Variants in NAALADL2 observed in about 807,000 individuals in gnomAD.
NAALADL2 encodes the protein inactive N-acetylated-alpha-linked acidic dipeptidase-like protein 2.
NAALADL2 carries 76 observed loss-of-function variants against 87.2 expected under a neutral mutation model. The observed-to-expected ratio is 0.87, with a 90% confidence interval of 0.72 to 1.05. The LOEUF (loss-of-function observed/expected upper bound fraction) is 1.05, where lower values mean the gene tolerates loss of function less well. Ranked by LOEUF, NAALADL2 falls within the 50% of genes least tolerant of loss-of-function variation. The pLI is 0.00. For synonymous variants in NAALADL2, 354 were observed against 331.0 expected (o/e 1.07, Z -0.75); for missense variants, 1,089 against 945.8 (o/e 1.15, Z -1.99).
In NAALADL2 at chr3:174,859,381, T is replaced by C. The variant is rs1579237012; in HGVS notation, c.-27T>C. ...GTAAGTGACACAACTTGAAACTGCT[T>C]GGCCCTCTTTAAAAAGAAATAATAA... On this transcript the variant is annotated 5_prime_UTR_variant, in exon 1 of 14. Transcript: ENST00000454872. 6.3e-7 allele frequency: 1 copy of C among 1,589,920 alleles called. No homozygotes were observed. The highest frequency in any genetic ancestry group is 2.3e-5 in the East Asian group (1 of 44,312).
intron 1 of NAALADL2, among the ~76,000 whole-genome samples, chr3:174,995,619 C>CG (rs1164533839): frequency 2.0e-5 from 3 of 151,818 alleles, no homozygotes; most frequent in African/African-American, 7.3e-5. Flanking sequence ...TAATGAGTAA[C>CG]GGAATTGTTC....
chr3:175,633,725 T>A (rs1728127344), intron 11 of NAALADL2, among the ~76,000 whole-genome samples: 1 of 151,886 alleles, frequency 6.6e-6, no homozygotes, highest in Non-Finnish European at 1.5e-5. Context: ...TTCATTGCTT[T>A]TCTCATGTTC....
At chr3:175,324,808 G>C (rs377352560) in intron 5 of NAALADL2, among the ~76,000 whole-genome samples, 3 of 152,186 alleles carry the variant, frequency 2.0e-5, no homozygotes, top group East Asian at 1.9e-4. Flanking sequence ...TTTTCTGGCT[G>C]TCTTAAGAGA....
chr3:174,675,716 T>A (rs751098650), intron 2 of NAALADL2, among the ~76,000 whole-genome samples: 2 of 152,152 alleles, frequency 1.3e-5, no homozygotes, highest in Admixed American at 6.6e-5. Flanking sequence ...GAATTCTAAG[T>A]GACTAGATAA....
chr3:175,503,325 AC>A, intron 9 of NAALADL2, among the ~76,000 whole-genome samples: 1 of 152,188 alleles, frequency 6.6e-6, no homozygotes. Context: ...TATCCAGTCT[AC>A]CACCGATGGG....
chr3:175,423,154 G>A (rs1234211161), intron 5 of NAALADL2, among the ~76,000 whole-genome samples: 1 of 74,174 alleles, frequency 1.3e-5, no homozygotes, highest in African/African-American at 5.4e-5. Flanking sequence ...TAAGGTAAAT[G>A]TTCTAAGAAA....
intron 1 of NAALADL2, among the ~76,000 whole-genome samples, chr3:174,977,778 A>G (rs1744558169): frequency 6.6e-6 from 1 of 152,198 alleles, no homozygotes; most frequent in Non-Finnish European, 1.5e-5. Flanking sequence ...GATGACATTT[A>G]AAAATATTGA....
At chr3:175,677,361 A>G (rs1034215571) in intron 11 of NAALADL2, among the ~76,000 whole-genome samples, 2 of 135,768 alleles carry the variant, frequency 1.5e-5, no homozygotes, top group African/African-American at 7.2e-5. Context: ...GACTCTGTCA[A>G]AAAAAAAAAT....
chr3:175,324,248 T>C lies in NAALADL2; in HGVS notation c.1013T>C (p.Val338Ala). The change falls in exon 5 of 14, where the codon GTG (valine) becomes GCG (alanine). Residue 338 changes from valine (V) to alanine (A), a missense_variant. Transcript: ENST00000454872. ...GATCCTTGTGATTTGCCAAAGACTG[T>C]GAATCCTAGCCATGATACCTTCATG... Reference protein sequence around the residue: ...YIDPCDLPKTVNPSHDTFMVS... With the variant: ...YIDPCDLPKTANPSHDTFMVS... 1 of 1,613,726 alleles carries C rather than the reference T, an allele frequency of 6.2e-7. No homozygotes were observed. The highest frequency in any genetic ancestry group is 1.3e-5 in the African/African-American group (1 of 74,998).
intron 2 of NAALADL2, among the ~76,000 whole-genome samples, chr3:175,132,928 C>T (rs369268111): frequency 2.8e-4 from 42 of 150,498 alleles, no homozygotes; most frequent in Non-Finnish European, 5.5e-4. Flanking sequence ...ACTTCTCAGA[C>T]GGGGCGGTTG....
chr3:175,109,680 C>A lies in NAALADL2; in HGVS notation c.545+12389C>A, dbSNP rs1485142240. 4.6e-5 allele frequency among the ~76,000 whole-genome samples: 7 copies of A among 151,822 alleles called. No individual in the cohort carries two copies. The East Asian group carries it at 1.4e-3, about 29-fold the overall frequency. On this transcript the variant is annotated intron_variant, in intron 2 of 13. Coordinates refer to ENST00000454872, the MANE Select transcript of NAALADL2 (RefSeq NM_207015.3). ...ACTGTGCTCTATGAGGGTGGATCAG[C>A]CCCTCTTTGCCTCTTCAGAGATTCT... is the stretch of plus-strand genomic sequence containing the variant.
intron 10 of NAALADL2, among the ~76,000 whole-genome samples, chr3:175,621,821 G>T (rs1050269867): frequency 4.6e-5 from 7 of 151,978 alleles, no homozygotes; most frequent in Non-Finnish European, 7.4e-5. Flanking sequence ...CATCTGTTTT[G>T]GTGCCCACAG....
At chr3:175,367,318 G>A (rs1432678606) in intron 5 of NAALADL2, among the ~76,000 whole-genome samples, 1 of 151,070 alleles carries the variant, frequency 6.6e-6, no homozygotes, top group Non-Finnish European at 1.5e-5. Context: ...TGTTCTTTTG[G>A]CTTAGGATTG....
At chr3:175,026,655 C>A (rs866630086) in intron 1 of NAALADL2, among the ~76,000 whole-genome samples, 21 of 143,308 alleles carry the variant, frequency 1.5e-4, no homozygotes, top group South Asian at 2.2e-4. Context: ...AACTCTGTCT[C>A]AAAAAAAAAA....
intron 11 of NAALADL2, among the ~76,000 whole-genome samples, chr3:175,733,825 G>A (rs1028338899): frequency 4.6e-5 from 7 of 152,086 alleles, no homozygotes; most frequent in Non-Finnish European, 1.0e-4. Context: ...AAAATACAGG[G>A]GCTACAGGCT....
chr3:175,133,119 C>T (rs1421987592), intron 2 of NAALADL2, among the ~76,000 whole-genome samples: 10 of 142,514 alleles, frequency 7.0e-5, no homozygotes, highest in South Asian at 6.9e-4. Context: ...ACATCTCAGA[C>T]GATGGGCGGC....
intron 1 of NAALADL2, among the ~76,000 whole-genome samples, chr3:174,471,096 C>T (rs762112958): frequency 1.3e-5 from 2 of 151,986 alleles, no homozygotes; most frequent in Non-Finnish European, 1.5e-5. Flanking sequence ...CAGCAGTGCT[C>T]CTATCTGCAG....
chr3:175,338,938 C>A (rs1762308504), intron 5 of NAALADL2, among the ~76,000 whole-genome samples: 1 of 151,618 alleles, frequency 6.6e-6, no homozygotes, highest in African/African-American at 2.4e-5. Flanking sequence ...GGGAAGGCAG[C>A]AAAGTAACAG....
intron 5 of NAALADL2, among the ~76,000 whole-genome samples, chr3:175,436,300 G>T (rs879520780): frequency 2.0e-4 from 29 of 148,338 alleles, no homozygotes; most frequent in Admixed American, 1.2e-3. Context: ...GAATAATGCC[G>T]CAATAAACAT....
Sources: gnomAD v4.1 joint callset for allele counts (sites outside exome capture counted in the v4.1 genomes callset) on GRCh38, gnomAD v4.1.1 for gene constraint, MANE v1.5 for transcripts, NCBI Gene and HGNC (gene_info 2026-07-23, HGNC 2026-07-21) for gene names.